The following ARL15 variants were observed in gnomAD, a reference collection of about 807,000 sequenced individuals.
ARL15 encodes ARF like GTPase 15.
Under a neutral mutation model 25.2 loss-of-function variants are expected in ARL15, and 19 were observed. The ratio of observed to expected loss-of-function variants is 0.75; its 90% CI spans 0.53 to 1.10. The LOEUF (loss-of-function observed/expected upper bound fraction) is 1.10. Among genes scored for constraint, ARL15 ranks in the 50% least tolerant of loss-of-function variants. ARL15 has a pLI of 0.00. For missense variants in ARL15, 220 were observed against 246.0 expected, an observed-to-expected ratio of 0.89 and a Z score of 0.71; for synonymous variants, 94 against 86.8, an observed-to-expected ratio of 1.08 and a Z score of -0.46.
intron 4 of ARL15, among the ~76,000 whole-genome samples, chr5:53,983,375 C>T (rs1025196524): frequency 5.9e-5 from 9 of 152,136 alleles, no homozygotes; most frequent in Admixed American, 4.6e-4. Context: ...GTTGGATCTG[C>T]TCTCCAAATT....
intron 4 of ARL15, among the ~76,000 whole-genome samples, chr5:54,075,275 AACAAGG>A (rs1751559705): frequency 6.6e-6 from 1 of 152,112 alleles, no homozygotes; most frequent in African/African-American, 2.4e-5. Flanking sequence ...TCACTAGACA[AACAAGG>A]TAGGCTTGAG....
chr5:54,291,488 T>TTCA (rs1758318055), intron 1 of ARL15, among the ~76,000 whole-genome samples: 1 of 152,240 alleles, frequency 6.6e-6, no homozygotes, highest in African/African-American at 2.4e-5. Flanking sequence ...ATATTTTTTG[T>TTCA]TCAAATATTT....
At chr5:54,152,292 GA>G (rs1754089838) in intron 3 of ARL15, among the ~76,000 whole-genome samples, 1 of 152,094 alleles carries the variant, frequency 6.6e-6, no homozygotes. Context: ...ATTTTGGGAT[GA>G]TCCCCTTCAT....
intron 1 of ARL15, among the ~76,000 whole-genome samples, chr5:54,233,207 A>G (rs1439487746): frequency 2.0e-5 from 3 of 152,230 alleles, no homozygotes; most frequent in African/African-American, 7.2e-5. Context: ...TTTCTGCTCT[A>G]TGTAAAAGTC....
At chr5:54,212,388 C>A (rs3776658) in intron 1 of ARL15, among the ~76,000 whole-genome samples, 52,261 of 151,926 alleles carry the variant, frequency 0.34, 9,134 homozygotes, top group Middle Eastern at 0.4. Context: ...AAGGCCACAT[C>A]TGTCCCTTTT....
At chr5:53,965,991 A>G (rs1435164205) in intron 4 of ARL15, among the ~76,000 whole-genome samples, 1 of 152,184 alleles carries the variant, frequency 6.6e-6, no homozygotes, top group Admixed American at 6.5e-5. Context: ...TTTGGTTTTC[A>G]TCCCCATTTC....
At chr5:53,901,539 C>G (rs999914449) in intron 4 of ARL15, among the ~76,000 whole-genome samples, 1 of 152,024 alleles carries the variant, frequency 6.6e-6, no homozygotes, top group African/African-American at 2.4e-5. Context: ...ATAAAATGGT[C>G]TGCTACACAC....
At chr5:54,259,205 T>A (rs755898959) in intron 1 of ARL15, among the ~76,000 whole-genome samples, 23 of 152,148 alleles carry the variant, frequency 1.5e-4, no homozygotes, top group Non-Finnish European at 2.9e-4. Flanking sequence ...CCCATTTGAA[T>A]AGGCAGGACT....
In ARL15 at chr5:54,209,675, C is replaced by T. The variant is rs1579913571; in HGVS notation, c.49-37747G>A. 3.3e-5 allele frequency among the ~76,000 whole-genome samples: 5 copies of T among 149,956 alleles called. No homozygotes were observed. The East Asian group carries it at 7.8e-4, about 23-fold the overall frequency. Reference sequence around the variant, plus strand: ...AGGACTATTTTGAGGTCGTCTTTAGCTTAAAGCACATATAATGAAAAAAAA... The same window carrying T: ...AGGACTATTTTGAGGTCGTCTTTAGTTTAAAGCACATATAATGAAAAAAAA... On this transcript the variant is annotated intron_variant, in intron 1 of 4. Transcript: ENST00000504924.
Position 53,886,384 on chromosome 5 carries a change from G to A in ARL15, c.*177C>T, listed in dbSNP as rs916700668. The A allele has an allele frequency of 1.4e-5, 9 of 651,158 alleles. No homozygotes were observed. Among genetic ancestry groups the A allele is most frequent in the East Asian group, 5.7e-5 (2 of 35,014 alleles). The allele number at this position is 651,158 out of a possible 1,614,324, so 40.3% of individuals were successfully genotyped here. A position where few individuals can be genotyped will look rare whatever the true frequency, so the allele number is the denominator to read the frequency against. Reference sequence around the variant, plus strand: ...GTAGTGTGTACTTGACGTTAATGCCGATGATAATTCATCTGATCTACAGAA... The same window carrying A: ...GTAGTGTGTACTTGACGTTAATGCCAATGATAATTCATCTGATCTACAGAA... On this transcript the variant is annotated 3_prime_UTR_variant, in exon 5 of 5. Coordinates refer to ENST00000504924, the MANE Select transcript of ARL15 (RefSeq NM_019087.3).
intron 4 of ARL15, among the ~76,000 whole-genome samples, chr5:54,011,384 G>T (rs188038587): frequency 2.0e-5 from 3 of 152,186 alleles, no homozygotes; most frequent in African/African-American, 7.2e-5. Flanking sequence ...TTCTTAAAAT[G>T]AGCACATTTC....
chr5:53,970,729 C>T (rs1347219679), intron 4 of ARL15, among the ~76,000 whole-genome samples: 2 of 152,164 alleles, frequency 1.3e-5, no homozygotes, highest in African/African-American at 4.8e-5. Context: ...TTCCATCCCA[C>T]CTTGGGCAGT....
chr5:54,150,015 A>C (rs1754018900), intron 3 of ARL15, among the ~76,000 whole-genome samples: 1 of 152,174 alleles, frequency 6.6e-6, no homozygotes, highest in Admixed American at 6.5e-5. Flanking sequence ...CAGGTGTGAA[A>C]GGGCCTAAAT....
At chr5:54,020,969 A>G (rs934632916) in intron 4 of ARL15, among the ~76,000 whole-genome samples, 9 of 151,688 alleles carry the variant, frequency 5.9e-5, no homozygotes, top group African/African-American at 2.2e-4. Context: ...AAAAGAAAAG[A>G]CAGTCAAGAG....
At chr5:53,978,736 C>T (rs79715626) in intron 4 of ARL15, among the ~76,000 whole-genome samples, 4,592 of 151,424 alleles carry the variant, frequency 0.03, 91 homozygotes, top group Non-Finnish European at 0.049. Flanking sequence ...TATATATACA[C>T]ACACATATAT....
intron 4 of ARL15, among the ~76,000 whole-genome samples, chr5:53,954,504 G>A (rs1420699557): frequency 6.6e-6 from 1 of 152,068 alleles, no homozygotes; most frequent in Admixed American, 6.6e-5. Context: ...TGAACATCAT[G>A]TCCCTGCGTT....
intron 3 of ARL15, among the ~76,000 whole-genome samples, chr5:54,131,205 A>T (rs1046572970): frequency 1.3e-5 from 2 of 152,234 alleles, no homozygotes; most frequent in African/African-American, 4.8e-5. Flanking sequence ...CTTGCAAAGC[A>T]TTAGTCCAAA....
chr5:54,061,097 C>T (rs1454230299), intron 4 of ARL15, among the ~76,000 whole-genome samples: 3 of 152,210 alleles, frequency 2.0e-5, no homozygotes, highest in Non-Finnish European at 4.4e-5. Context: ...CCTCTTATCA[C>T]AGGCCCAGAG....
At chr5:54,115,200 T>C (rs1561229475) in intron 3 of ARL15, among the ~76,000 whole-genome samples, 1 of 152,108 alleles carries the variant, frequency 6.6e-6, no homozygotes, top group Non-Finnish European at 1.5e-5. Context: ...CTGGGAGAAA[T>C]AGAAAAGAAA....
Sources: allele counts gnomAD v4.1 joint callset (sites outside exome capture counted in the v4.1 genomes callset), GRCh38; gene constraint gnomAD v4.1.1; transcripts MANE v1.5; gene names NCBI Gene and HGNC (gene_info 2026-07-23, HGNC 2026-07-21).